Variants in LPIN1 observed in about 807,000 individuals in gnomAD.
The protein encoded by LPIN1 is phosphatidate phosphatase LPIN1.
Under a neutral mutation model 107.5 loss-of-function variants are expected in LPIN1, and 71 were observed. The observed-to-expected ratio is 0.66, with a 90% CI of 0.55 to 0.80. The LOEUF (loss-of-function observed/expected upper bound fraction) is 0.80. Ranked by LOEUF, LPIN1 falls within the 30% of genes least tolerant of loss-of-function variation. The pLI, the probability that LPIN1 is intolerant of heterozygous loss-of-function variation, is 0.00. For synonymous variants in LPIN1, 445 were observed against 452.6 expected (o/e 0.98, Z 0.21); for missense variants, 1,043 against 1,160.6 (o/e 0.90, Z 1.47).
intron 1 of LPIN1, chr2:11,763,357 C>T (rs896066529): frequency 9.1e-5 from 14 of 153,238 alleles, no homozygotes; most frequent in Admixed American, 2.0e-4. Flanking sequence ...AGGCTGGGAG[C>T]GGAGAGCCGG....
At chr2:11,682,735 G>A (rs970756929) in intron 1 of LPIN1, 3 of 152,168 alleles carry the variant, frequency 2.0e-5, no homozygotes, top group African/African-American at 4.8e-5. Flanking sequence ...CCGGGGCAGC[G>A]AGGGTGTCAC....
rs1307962816 is a variant in LPIN1 at position 11,767,709 on chromosome 2, C to T, written c.193-54C>T. 9 of 1,162,818 alleles carry T rather than the reference C, an allele frequency of 7.7e-6. No homozygotes were observed. In the Admixed American group the frequency reaches 1.5e-4, roughly 20 times the overall value. 72.0% of individuals were successfully genotyped at this position (1,162,818 alleles called of 1,614,324 possible). ...GGAGACTTGGCCGTCCCCATGAGGT[C>T]TCCTGTCCTGGTGAAGGCAGTTCAT... On this transcript the variant is annotated intron_variant, in intron 2 of 20. Coordinates refer to ENST00000674199, the MANE Select transcript of LPIN1 (RefSeq NM_001349206.2).
At chr2:11,732,339 C>T (rs1180124511) in intron 1 of LPIN1, among the ~76,000 whole-genome samples, 2 of 152,162 alleles carry the variant, frequency 1.3e-5, no homozygotes, top group Non-Finnish European at 2.9e-5. Flanking sequence ...TTCCCACATC[C>T]AAGTTCATGC....
rs1215847569 is a variant in LPIN1 at position 11,802,123 on chromosome 2, GCATTT to G, written c.1887-783_1887-779del. ...ACTAAGTGATTCATATAGCATTGAG[GCATTT>G]TCAAAGATAGTGGTCCTGGGAGGCA... On this transcript the variant is annotated intron_variant, in intron 14 of 20. Coordinates refer to ENST00000674199, the MANE Select transcript of LPIN1 (RefSeq NM_001349206.2). 6.4e-3 allele frequency among the ~76,000 whole-genome samples: 970 copies of G among 152,204 alleles called. 15 individuals are homozygous for G. Among genetic ancestry groups the G allele is most frequent in the African/African-American group, 0.022 (913 of 41,520 alleles).
intron 14 of LPIN1, among the ~76,000 whole-genome samples, chr2:11,800,624 A>G (rs1038747301): frequency 2.6e-5 from 4 of 152,044 alleles, no homozygotes; most frequent in Non-Finnish European, 5.9e-5. Flanking sequence ...GAGGCTGGGG[A>G]TCACTTCTTA....
chr2:11,738,264 T>G (rs1665988656), intron 1 of LPIN1, among the ~76,000 whole-genome samples: 1 of 151,814 alleles, frequency 6.6e-6, no homozygotes, highest in African/African-American at 2.4e-5. Context: ...AGGGATAGCA[T>G]TAGGAGAAAC....
upstream of LPIN1, chr2:11,723,482 C>T (rs1446275574): frequency 6.6e-6 from 1 of 152,126 alleles, no homozygotes; most frequent in Non-Finnish European, 1.5e-5. Flanking sequence ...ATGGTGAAAC[C>T]CCATCTCTAT....
Position 11,804,472 on chromosome 2 carries a change from C to T in LPIN1, c.2063C>T (p.Thr688Ile). Residue 688 changes from threonine to isoleucine, a missense_variant, in exon 16 of 21, where the codon ACC (threonine) becomes ATC (isoleucine). By Grantham distance (89) the Thr-to-Ile change is moderately conservative (BLOSUM62 -1). Coordinates refer to ENST00000674199, the MANE Select transcript of LPIN1 (RefSeq NM_001349206.2). ...NGPNDVVFSVTTQYQGTCRCE... is the reference protein window; with the variant it reads ...NGPNDVVFSVITQYQGTCRCE... ...CCCAACGACGTGGTTTTCAGTGTCA[C>T]CACGCAGTACCAAGGCACGTGCCGC... 6.2e-7 allele frequency: 1 copy of T among 1,614,236 alleles called. No individual in the cohort carries two copies. Among genetic ancestry groups the T allele is most frequent in the Non-Finnish European group, 8.5e-7 (1 of 1,180,040 alleles).
chr2:11,746,556 C>T, upstream of LPIN1: 1 of 678,016 alleles, frequency 1.5e-6, no homozygotes, highest in South Asian at 6.6e-5. Context: ...GCCCCGCTTG[C>T]CCCGCCCCTG....
chr2:11,721,570 A>T (rs1361865792), upstream of LPIN1: 1 of 152,018 alleles, frequency 6.6e-6, no homozygotes, highest in African/African-American at 2.4e-5. Context: ...TTTTTTTTTA[A>T]CTGGGTCTCT....
exon 1 of LPIN1, chr2:11,724,470 C>T: frequency 1.0e-6 from 1 of 985,848 alleles, no homozygotes. Flanking sequence ...ACAGCAGCCA[C>T]CCAGCAGTGG....
chr2:11,817,756 G>C (rs1164705921), intron 18 of LPIN1: 1 of 152,050 alleles, frequency 6.6e-6, no homozygotes, highest in African/African-American at 2.4e-5. Context: ...GTGAAACCCT[G>C]TCTGTACTAA....
chr2:11,783,944 C>T (rs760771819), intron 9 of LPIN1, 22 bp downstream of exon 9: 21 of 1,613,486 alleles, frequency 1.3e-5, no homozygotes, highest in East Asian at 2.2e-5. Context: ...GTTAATTCCT[C>T]ACATCATTTC....
intron 17 of LPIN1, among the ~76,000 whole-genome samples, chr2:11,807,876 G>A (rs1390622855): frequency 6.6e-6 from 1 of 152,120 alleles, no homozygotes; most frequent in Non-Finnish European, 1.5e-5. Flanking sequence ...GCTCCTTGAT[G>A]TGGCATTTGA....
chr2:11,681,634 C>T (rs1305522426), intron 1 of LPIN1: 2 of 152,324 alleles, frequency 1.3e-5, no homozygotes, highest in South Asian at 2.1e-4. Context: ...ACACCCCCGT[C>T]GGCTCTGTTC....
At chr2:11,819,343 A>T (rs965639954) in intron 18 of LPIN1, 141 bp from the exon 19 acceptor site, 8 of 660,238 alleles carry the variant, frequency 1.2e-5, no homozygotes, top group African/African-American at 3.6e-5. Context: ...CTTTTCTGGG[A>T]TGTCTCAGCT....
intron 14 of LPIN1, 128 bp downstream of exon 14, chr2:11,795,615 C>G: frequency 3.4e-6 from 3 of 869,598 alleles, no homozygotes; most frequent in African/African-American, 1.7e-5. Context: ...CACTTGGTGA[C>G]CTGGAGCAAT....
intron 14 of LPIN1, among the ~76,000 whole-genome samples, chr2:11,796,018 TTGTA>T (rs954631207): frequency 3.9e-5 from 6 of 152,194 alleles, no homozygotes; most frequent in African/African-American, 1.4e-4. Flanking sequence ...GTTAATCACT[TTGTA>T]TGGGATTGGA....
upstream of LPIN1, among the ~76,000 whole-genome samples, chr2:11,745,013 C>T (rs74899248): frequency 0.04 from 6,129 of 152,346 alleles, 144 homozygotes; most frequent in Non-Finnish European, 0.051. Flanking sequence ...CTGGACAAAG[C>T]TCTCCAAGCA....
Sources: gnomAD v4.1 joint callset for allele counts (sites outside exome capture counted in the v4.1 genomes callset) on GRCh38, gnomAD v4.1.1 for gene constraint, MANE v1.5 for transcripts, NCBI Gene and HGNC (gene_info 2026-07-23, HGNC 2026-07-21) for gene names.